EIF3A: variants seen among roughly 807,000 people sequenced by gnomAD.
EIF3A encodes the protein EIF3, p180 subunit.
EIF3A carries 21 observed loss-of-function variants against 186.6 expected under a neutral mutation model. That is an observed-to-expected ratio of 0.11 (90% confidence interval 0.08 to 0.16). The LOEUF (loss-of-function observed/expected upper bound fraction) is 0.16, where lower values mean the gene tolerates loss of function less well. Among genes scored for constraint, EIF3A ranks in the 10% least tolerant of loss-of-function variants. The pLI, the probability that EIF3A is intolerant of heterozygous loss-of-function variation, is 1.00. For synonymous variants in EIF3A, 563 were observed against 584.3 expected (o/e 0.96, Z 0.52); for missense variants, 1,306 against 1,796.3 (o/e 0.73, Z 4.93).
Position 119,048,416 on chromosome 10 carries a change from T to C in EIF3A, c.2658+1385A>G, listed in dbSNP as rs146000753. Among the ~76,000 whole-genome samples, 194 of 152,062 alleles carry C rather than the reference T, an allele frequency of 1.3e-3. 1 individual carries two copies. The highest frequency in any genetic ancestry group is 4.5e-3 in the African/African-American group (187 of 41,492). On this transcript the variant is annotated intron_variant, in intron 17 of 21. Coordinates refer to ENST00000369144, the MANE Select transcript of EIF3A (RefSeq NM_003750.4). ...CAGTAACACCAATCAGGAGAGGGAA[T>C]TCCAGACACAAGACAGAGATGGGAA...
intron 19 of EIF3A, among the ~76,000 whole-genome samples, chr10:119,038,698 T>G (rs1848168884): frequency 6.6e-6 from 1 of 152,008 alleles, no homozygotes; most frequent in South Asian, 2.1e-4. Flanking sequence ...CCGAGCCAGG[T>G]GGATCACTTA....
In EIF3A at chr10:119,073,021, G is replaced by C. The variant is rs1176544461; in HGVS notation, c.410C>G (p.Thr137Ser). The C allele has an allele frequency of 6.2e-7, 1 of 1,613,674 alleles. No homozygotes were observed. The highest frequency in any genetic ancestry group is 8.5e-7 in the Non-Finnish European group (1 of 1,179,942). ...AAGTAATCTGTCAGTACGATCCTGA[G>C]TGTCTTCACCACTTACAGCACTTAG... is the stretch of plus-strand genomic sequence containing the variant. ...VLLSAVSGED[T>S]QDRTDRLLLT... Residue 137 changes from threonine to serine, a missense_variant, in exon 4 of 22, where the codon ACT (threonine) becomes AGT (serine). Physicochemically the swap from Thr to Ser is moderately conservative, Grantham distance 58 (BLOSUM62 1). Around this residue, in one of 8 missense-constraint regions of EIF3A, gnomAD observed 130 missense variants for 259.3 expected, o/e 0.50. Coordinates refer to ENST00000369144, the MANE Select transcript of EIF3A (RefSeq NM_003750.4).
intron 7 of EIF3A, among the ~76,000 whole-genome samples, chr10:119,062,743 CTTTTTTTT>C (rs372690463): frequency 1.1e-5 from 1 of 91,032 alleles, no homozygotes; most frequent in Non-Finnish European, 2.0e-5. Context: ...AAGAGATCAC[CTTTTTTTT>C]TTTTTTTTTT....
chr10:119,050,752 T>G, intron 15 of EIF3A, 78 bp from the exon 16 acceptor site: 1 of 1,476,726 alleles, frequency 6.8e-7, no homozygotes, highest in Non-Finnish European at 9.4e-7. Flanking sequence ...CTATTAGGTT[T>G]ACAAAAGACT....
At chr10:119,065,973 A>G (rs888084191) in intron 6 of EIF3A, among the ~76,000 whole-genome samples, 8 of 152,094 alleles carry the variant, frequency 5.3e-5, no homozygotes, top group Admixed American at 2.0e-4. Flanking sequence ...AAAATTAGCC[A>G]GGCGTAGTGG....
intron 21 of EIF3A, 44 bp from the exon 22 acceptor site, chr10:119,036,312 T>C: frequency 7.6e-7 from 1 of 1,307,680 alleles, no homozygotes; most frequent in Non-Finnish European, 1.1e-6. Context: ...TAGTACTATA[T>C]TCTATTGGCT....
At chr10:119,037,070 CCCA>C (rs749085818) in intron 21 of EIF3A, 46 bp downstream of exon 21, 9 of 996,744 alleles carry the variant, frequency 9.0e-6, no homozygotes, top group Middle Eastern at 2.4e-4. Flanking sequence ...TCCCCCCCCC[CCCA>C]GAAACGACAG....
intron 7 of EIF3A, among the ~76,000 whole-genome samples, chr10:119,061,617 C>T (rs1843888826): frequency 6.6e-6 from 1 of 152,142 alleles, no homozygotes; most frequent in Admixed American, 6.6e-5. Flanking sequence ...AAGACAACTA[C>T]TGTGGCCAAT....
intron 16 of EIF3A, 66 bp from the exon 17 acceptor site, chr10:119,050,051 C>T (rs1848335763): frequency 6.8e-7 from 1 of 1,479,052 alleles, no homozygotes; most frequent in African/African-American, 1.4e-5. Flanking sequence ...GCTAGTTCCA[C>T]TTTTCTGGTA....
chr10:119,076,954 G>C (rs368268264), intron 1 of EIF3A, among the ~76,000 whole-genome samples: 67 of 96,756 alleles, frequency 6.9e-4, no homozygotes, highest in Non-Finnish European at 1.4e-3. Context: ...AAAAAAAAAA[G>C]AAAATGTAAC....
intron 12 of EIF3A, among the ~76,000 whole-genome samples, chr10:119,057,428 C>T (rs999848518): frequency 3.3e-5 from 5 of 152,148 alleles, no homozygotes; most frequent in Non-Finnish European, 5.9e-5. Context: ...GTTTCATGCA[C>T]AAAATTATGT....
At chr10:119,060,479 C>T (rs1843867541) in intron 9 of EIF3A, among the ~76,000 whole-genome samples, 1 of 151,998 alleles carries the variant, frequency 6.6e-6, no homozygotes, top group Admixed American at 6.6e-5. Flanking sequence ...ATAAATACAC[C>T]ACAGTACCTT....
At chr10:119,070,162 T>C (rs1476760483) in intron 5 of EIF3A, among the ~76,000 whole-genome samples, 1 of 152,138 alleles carries the variant, frequency 6.6e-6, no homozygotes, top group Non-Finnish European at 1.5e-5. Context: ...TTTTAGTTTC[T>C]TCCTCTATAA....
chr10:119,053,557 C>CAAAAAAAA (rs33979018), intron 14 of EIF3A, among the ~76,000 whole-genome samples: 9 of 110,548 alleles, frequency 8.1e-5, no homozygotes, highest in East Asian at 2.7e-4. Context: ...ACTAAAAATA[C>CAAAAAAAA]AAAAAAAAAA....
Position 119,042,904 on chromosome 10 carries a change from GC to G in EIF3A, c.2748-133del. Reference sequence around the variant, plus strand: ...GCAGTGGCTCGCACCTTTAATCCCAGCACTCTGGGAAGCAGAGGCAGGCAGA... The same window carrying G: ...GCAGTGGCTCGCACCTTTAATCCCAGACTCTGGGAAGCAGAGGCAGGCAGA... On this transcript the variant is annotated intron_variant, in intron 18 of 21. Transcript: ENST00000369144. This position sits in a 1 kb window ranked among gnomAD's most constrained non-coding sequence, Gnocchi z 7.8. The G allele has an allele frequency of 6.3e-6, 6 of 953,260 alleles. No homozygotes were observed. The highest frequency in any genetic ancestry group is 9.0e-6 in the Non-Finnish European group (6 of 666,110). 59.1% of individuals were successfully genotyped at this position (953,260 alleles called of 1,614,324 possible). A position where few individuals can be genotyped will look rare whatever the true frequency, so the allele number is the denominator to read the frequency against.
At chr10:119,077,717 G>A (rs1404283822) in intron 1 of EIF3A, among the ~76,000 whole-genome samples, 2 of 151,818 alleles carry the variant, frequency 1.3e-5, no homozygotes, top group Non-Finnish European at 2.9e-5. Flanking sequence ...ACCACACCAG[G>A]CTAATATTTT....
Position 119,035,301 on chromosome 10 carries a change from T to C in EIF3A, c.*738A>G, listed in dbSNP as rs1320210587. 3 of 152,642 alleles carry C rather than the reference T, an allele frequency of 2.0e-5. No homozygotes were observed. The highest frequency in any genetic ancestry group is 1.3e-4 in the Admixed American group (2 of 15,274). 9.5% of individuals were successfully genotyped at this position (152,642 alleles called of 1,614,324 possible). On this transcript the variant is annotated 3_prime_UTR_variant, in exon 22 of 22. Transcript: ENST00000369144. ...ATTTAAAATGCTTGAAAGGCATGAATTCTCCATTAATGGAAAAGCAGTTTG... is the reference window on the plus strand; with the variant it reads ...ATTTAAAATGCTTGAAAGGCATGAACTCTCCATTAATGGAAAAGCAGTTTG...
chr10:119,056,545 C>T (rs11813452), intron 14 of EIF3A, among the ~76,000 whole-genome samples, 195 bp downstream of exon 14: 11,070 of 152,098 alleles, frequency 0.073, 807 homozygotes, highest in African/African-American at 0.19. Flanking sequence ...TTCAGTTGTC[C>T]TTTGTTTTCC....
intron 9 of EIF3A, 167 bp from the exon 10 acceptor site, chr10:119,059,885 A>G: frequency 3.1e-6 from 2 of 655,370 alleles, no homozygotes; most frequent in Non-Finnish European, 5.5e-6. Context: ...TCTAAACTCC[A>G]TGCTTTGAGA....
Sources: allele counts gnomAD v4.1 joint callset (sites outside exome capture counted in the v4.1 genomes callset), GRCh38; gene constraint gnomAD v4.1.1; regional missense constraint gnomAD v4.1.1; non-coding constraint Gnocchi (gnomAD v3.1); transcripts MANE v1.5; gene names NCBI Gene and HGNC (gene_info 2026-07-23, HGNC 2026-07-21).